The following NTNG1 variants were observed in gnomAD, a reference collection of about 807,000 sequenced individuals.
NTNG1 encodes netrin-G1.
In NTNG1, 16 loss-of-function variants were observed where a neutral mutation model predicts 54.0. That is an observed-to-expected ratio of 0.30 (90% CI 0.20 to 0.45). NTNG1 has a LOEUF of 0.45. Among genes scored for constraint, NTNG1 ranks in the 20% least tolerant of loss-of-function variants. The probability of loss-of-function intolerance (pLI) is 1.00; values close to 1 mark genes in which losing one functional copy is unlikely to be tolerated. For synonymous variants in NTNG1, 255 were observed against 263.1 expected (o/e 0.97, Z 0.30); for missense variants, 530 against 678.7 (o/e 0.78, Z 2.43).
chr1:107,319,207 G>A (rs953005753), intron 2 of NTNG1, among the ~76,000 whole-genome samples: 1 of 152,068 alleles, frequency 6.6e-6, no homozygotes, highest in Non-Finnish European at 1.5e-5. Flanking sequence ...CACAAAGAAG[G>A]GGCCTTCCCA....
chr1:107,393,787 A>G (rs1201497476), intron 3 of NTNG1, among the ~76,000 whole-genome samples: 1 of 152,116 alleles, frequency 6.6e-6, no homozygotes, highest in African/African-American at 2.4e-5. Flanking sequence ...TTATGGAGGC[A>G]CTAAAGAAAA....
chr1:107,417,505 C>T (rs892670258), intron 5 of NTNG1, among the ~76,000 whole-genome samples: 2 of 152,108 alleles, frequency 1.3e-5, no homozygotes, highest in East Asian at 3.9e-4. Context: ...CTCTGCAAGG[C>T]TTTGCCCTTC....
At chr1:107,305,846 G>A (rs1245547720) in intron 2 of NTNG1, among the ~76,000 whole-genome samples, 1 of 152,034 alleles carries the variant, frequency 6.6e-6, no homozygotes, top group Non-Finnish European at 1.5e-5. Flanking sequence ...TTATTGTTCT[G>A]TTTTTCATCT....
Position 107,358,523 on chromosome 1 carries a change from G to A in NTNG1, c.887+33601G>A, listed in dbSNP as rs1670075979. 5.9e-5 allele frequency among the ~76,000 whole-genome samples: 9 copies of A among 152,012 alleles called. No individual in the cohort carries two copies. In the South Asian group the frequency reaches 1.7e-3, roughly 28 times the overall value. ...TTTGTTGCATTCTAGTGTTGATCTA[G>A]CCCACTGAAAATCTGGTCATCTTTT... On this transcript the variant is annotated intron_variant, in intron 3 of 7. Coordinates refer to ENST00000370068, the MANE Select transcript of NTNG1 (RefSeq NM_001113226.3).
chr1:107,378,355 G>A (rs1242606279), intron 3 of NTNG1, among the ~76,000 whole-genome samples: 1 of 152,200 alleles, frequency 6.6e-6, no homozygotes, highest in Non-Finnish European at 1.5e-5. Context: ...GACCTGGCCA[G>A]GTGATTGCTT....
chr1:107,295,458 T>A (rs920348546), intron 2 of NTNG1, among the ~76,000 whole-genome samples: 1 of 152,180 alleles, frequency 6.6e-6, no homozygotes, highest in East Asian at 1.9e-4. Context: ...CTGCATTTCA[T>A]GGCTTATGCA....
intron 2 of NTNG1, among the ~76,000 whole-genome samples, chr1:107,306,000 T>G (rs1666675362): frequency 6.6e-6 from 1 of 152,192 alleles, no homozygotes; most frequent in Non-Finnish European, 1.5e-5. Flanking sequence ...AAACAAACAT[T>G]CAAGCACTCA....
chr1:107,218,854 T>C (rs1046773995), intron 2 of NTNG1, among the ~76,000 whole-genome samples: 1 of 152,152 alleles, frequency 6.6e-6, no homozygotes, highest in Non-Finnish European at 1.5e-5. Context: ...TTGTTGTGAC[T>C]TTAGATAACC....
At chr1:107,465,989 A>T (rs1395725345) in intron 7 of NTNG1, among the ~76,000 whole-genome samples, 3 of 152,162 alleles carry the variant, frequency 2.0e-5, no homozygotes, top group Non-Finnish European at 4.4e-5. Context: ...TAAGACAGTA[A>T]GTATATGATC....
chr1:107,189,708 A>G (rs1470086797), intron 2 of NTNG1, among the ~76,000 whole-genome samples: 1 of 151,962 alleles, frequency 6.6e-6, no homozygotes, highest in Non-Finnish European at 1.5e-5. Flanking sequence ...TAAATTCCCT[A>G]TATATCACCC....
Position 107,372,410 on chromosome 1 carries a change from A to C in NTNG1, c.888-22744A>C, listed in dbSNP as rs374425331. ...AAAATCTCAAAAGGGAAACTTTTTGAGATTTAATTTGACCTGTGGTTTATT... is the reference window on the plus strand; with the variant it reads ...AAAATCTCAAAAGGGAAACTTTTTGCGATTTAATTTGACCTGTGGTTTATT... On this transcript the variant is annotated intron_variant, in intron 3 of 7. Transcript: ENST00000370068. Among the ~76,000 whole-genome samples, 436 of 152,074 alleles carry C rather than the reference A, an allele frequency of 2.9e-3. 4 individuals are homozygous for C. Among genetic ancestry groups the C allele is most frequent in the African/African-American group, 9.9e-3 (412 of 41,544 alleles).
At position 107,441,217 on chromosome 1, in the gene NTNG1, C is replaced by T. The variant is rs1200315760; in HGVS notation, c.1390+4418C>T. 3.8e-5 allele frequency among the ~76,000 whole-genome samples: 5 copies of T among 130,892 alleles called. No homozygotes were observed. The South Asian group carries it at 8.8e-4, about 23-fold the overall frequency. The allele number at this position is 130,892 out of a possible 152,430, so 85.9% of individuals were successfully genotyped here. On this transcript the variant is annotated intron_variant, in intron 7 of 7. Coordinates refer to ENST00000370068, the MANE Select transcript of NTNG1 (RefSeq NM_001113226.3). The stretch of plus-strand genomic sequence containing the variant: ...TGTTATCAGCGCCAAAGTAACTGGA[C>T]GTAAAGGAGATTTATGACTTTTCAG...
rs1311946131 is a variant in NTNG1 at position 107,324,441 on chromosome 1, C to G, written c.406C>G (p.Leu136Val). Residue 136 changes from leucine (L) to valine (V), a missense_variant, in exon 3 of 8, where the codon CTG becomes GTG. This residue lies in a region of NTNG1 where 318 missense variants were observed against 465.1 expected (regional missense o/e 0.68). Coordinates refer to ENST00000370068, the MANE Select transcript of NTNG1 (RefSeq NM_001113226.3). ...YPKPLQVNITLSWSKTIELTD... is the reference protein window; with the variant it reads ...YPKPLQVNITVSWSKTIELTD... ...CAAGCCTCTCCAGGTTAACATCACTCTGTCTTGGAGCAAAACCATTGAGCT... is the reference window on the plus strand; with the variant it reads ...CAAGCCTCTCCAGGTTAACATCACTGTGTCTTGGAGCAAAACCATTGAGCT... 4 of 1,613,892 alleles carry G rather than the reference C, an allele frequency of 2.5e-6. No homozygotes were observed. In the South Asian group the frequency reaches 4.4e-5, roughly 18 times the overall value.
chr1:107,198,385 C>T (rs1448063668), intron 2 of NTNG1, among the ~76,000 whole-genome samples: 4 of 151,948 alleles, frequency 2.6e-5, no homozygotes, highest in Admixed American at 6.6e-5. Context: ...TTATACTATG[C>T]TGTCTACTTT....
chr1:107,389,105 A>T (rs1485496303), intron 3 of NTNG1, among the ~76,000 whole-genome samples: 1 of 152,264 alleles, frequency 6.6e-6, no homozygotes, highest in East Asian at 1.9e-4. Context: ...TAAATATCTT[A>T]CTTGAGTAAA....
intron 2 of NTNG1, among the ~76,000 whole-genome samples, chr1:107,153,271 G>A (rs1180554254): frequency 6.6e-6 from 1 of 152,116 alleles, no homozygotes; most frequent in African/African-American, 2.4e-5. Flanking sequence ...GCCATCTGGT[G>A]GCTGTCAGGT....
chr1:107,352,861 C>G (rs982085345), intron 3 of NTNG1, among the ~76,000 whole-genome samples: 1 of 152,244 alleles, frequency 6.6e-6, no homozygotes, highest in Non-Finnish European at 1.5e-5. Context: ...TTTGCACCCT[C>G]TGGAGCAGTG....
chr1:107,447,549 G>A (rs1676380041), intron 7 of NTNG1, among the ~76,000 whole-genome samples: 1 of 152,070 alleles, frequency 6.6e-6, no homozygotes, highest in Non-Finnish European at 1.5e-5. Flanking sequence ...ATACAGACAT[G>A]ATGTATGAAT....
chr1:107,349,733 A>C (rs1379231781), intron 3 of NTNG1, among the ~76,000 whole-genome samples: 1 of 152,174 alleles, frequency 6.6e-6, no homozygotes, highest in East Asian at 1.9e-4. Flanking sequence ...CCTTCTTCTG[A>C]GACTTGCTTT....
Sources: gnomAD v4.1 joint callset for allele counts (sites outside exome capture counted in the v4.1 genomes callset) on GRCh38, gnomAD v4.1.1 for gene constraint, gnomAD v4.1.1 regional missense constraint, MANE v1.5 for transcripts, NCBI Gene and HGNC (gene_info 2026-07-23, HGNC 2026-07-21) for gene names.